Variants in FBXO34 observed in about 807,000 individuals in gnomAD.
FBXO34 encodes F-box only protein 34.
Under a neutral mutation model 24.5 loss-of-function variants are expected in FBXO34, and 12 were observed. That is an observed-to-expected ratio of 0.49 (90% CI 0.31 to 0.79). FBXO34 has a LOEUF of 0.79. Among genes scored for constraint, FBXO34 ranks in the 30% least tolerant of loss-of-function variants. FBXO34 has a pLI of 0.04. For synonymous variants in FBXO34, 320 were observed against 311.9 expected (o/e 1.03, Z -0.27); for missense variants, 823 against 857.7 (o/e 0.96, Z 0.51).
the FBXO34 span, chr14:55,380,830 G>T: frequency 3.6e-6 from 1 of 275,582 alleles, no homozygotes; most frequent in East Asian, 6.1e-5. Context: ...TCCATGACCA[G>T]ACATAAATGG....
At chr14:55,439,824 G>T in the FBXO34 span, among the ~76,000 whole-genome samples, 4 of 151,082 alleles carry the variant, frequency 2.6e-5, no homozygotes, top group Non-Finnish European at 3.0e-5. Context: ...CCAGCTACTC[G>T]GGAGGCTGAG....
chr14:55,411,643 C>G, the FBXO34 span: 2 of 1,613,350 alleles, frequency 1.2e-6, no homozygotes, highest in Non-Finnish European at 1.7e-6. Flanking sequence ...AATCGCCGCT[C>G]TGAACGCATT....
Position 55,350,383 on chromosome 14 carries a change from G to A in FBXO34, c.-8G>A, listed in dbSNP as rs748387317. 6.6e-7 allele frequency: 1 copy of A among 1,525,618 alleles called. No individual in the cohort carries two copies. Among genetic ancestry groups the A allele is most frequent in the Non-Finnish European group, 8.8e-7 (1 of 1,142,758 alleles). The allele number at this position is 1,525,618 out of a possible 1,614,324, so 94.5% of individuals were successfully genotyped here. On this transcript the variant is annotated splice_region_variant and 5_prime_UTR_variant, in exon 2 of 2. Transcript: ENST00000313833. ...AAATGTGTATTTCTTTCCTATAGGGGCTTTGTTATGCACCTAAAGCCATAT... is the reference window on the plus strand; with the variant it reads ...AAATGTGTATTTCTTTCCTATAGGGACTTTGTTATGCACCTAAAGCCATAT...
the FBXO34 span, among the ~76,000 whole-genome samples, chr14:55,375,517 T>A: frequency 0.02 from 2,931 of 143,084 alleles, 99 homozygotes; most frequent in African/African-American, 0.073. Context: ...TTTTTTTTTT[T>A]ACTTTTTGTA....
the FBXO34 span, among the ~76,000 whole-genome samples, chr14:55,378,257 T>C: frequency 6.6e-6 from 1 of 152,228 alleles, no homozygotes; most frequent in Non-Finnish European, 1.5e-5. Flanking sequence ...ACTGCATCTA[T>C]ACAAATTACA....
intron 1 of FBXO34, among the ~76,000 whole-genome samples, chr14:55,311,764 G>C (rs976541944): frequency 1.3e-5 from 2 of 151,910 alleles, no homozygotes; most frequent in African/African-American, 2.4e-5. Flanking sequence ...TTTTGGTCTT[G>C]TTGCCCAGGC....
chr14:55,369,571 GAGA>G (rs752417843), downstream of FBXO34: 10 of 1,429,704 alleles, frequency 7.0e-6, no homozygotes, highest in African/African-American at 7.1e-5. Context: ...AGTGTAGTGG[GAGA>G]AGAACTTTCT....
chr14:55,376,487 TA>T, the FBXO34 span, among the ~76,000 whole-genome samples: 1 of 152,128 alleles, frequency 6.6e-6, no homozygotes, highest in African/African-American at 2.4e-5. Flanking sequence ...ACATTGTAAG[TA>T]TATGTGCAGT....
intron 1 of FBXO34, chr14:55,299,339 C>T: frequency 1.6e-6 from 1 of 615,748 alleles, no homozygotes; most frequent in South Asian, 1.9e-5. Flanking sequence ...AGCAGTAGGG[C>T]CGCATTGCTG....
chr14:55,278,684 G>C (rs1164364492), intron 1 of FBXO34, among the ~76,000 whole-genome samples: 1 of 152,058 alleles, frequency 6.6e-6, no homozygotes, highest in African/African-American at 2.4e-5. Flanking sequence ...AAAAATTGTT[G>C]GTAATACCTG....
chr14:55,386,969 T>C, the FBXO34 span, among the ~76,000 whole-genome samples: 1 of 152,182 alleles, frequency 6.6e-6, no homozygotes, highest in Admixed American at 6.5e-5. Context: ...TTTTGACGTG[T>C]CCACTGCCTA....
the FBXO34 span, chr14:55,411,934 A>T: frequency 1.0e-6 from 1 of 995,300 alleles, no homozygotes; most frequent in African/African-American, 1.6e-5. Flanking sequence ...GAGCCCCCGG[A>T]CCCCTCCGCC....
At chr14:55,388,846 G>A in the FBXO34 span, among the ~76,000 whole-genome samples, 1 of 152,210 alleles carries the variant, frequency 6.6e-6, no homozygotes, top group Admixed American at 6.5e-5. Context: ...ACCACCTGGA[G>A]TAGTGCTATT....
intron 1 of FBXO34, among the ~76,000 whole-genome samples, chr14:55,300,145 G>GTTT (rs138977844): frequency 4.6e-5 from 7 of 151,766 alleles, no homozygotes; most frequent in Non-Finnish European, 7.4e-5. Context: ...AGATGTCATA[G>GTTT]TTTTAGTAAT....
chr14:55,404,757 G>T, the FBXO34 span, among the ~76,000 whole-genome samples: 4 of 152,036 alleles, frequency 2.6e-5, no homozygotes, highest in African/African-American at 9.7e-5. Flanking sequence ...ATAACAAAAT[G>T]GAATGTTTTT....
chr14:55,332,581 AGGAG>A (rs1233864437), intron 1 of FBXO34, among the ~76,000 whole-genome samples: 2 of 152,218 alleles, frequency 1.3e-5, no homozygotes, highest in Non-Finnish European at 2.9e-5. Context: ...TTCTAAAACT[AGGAG>A]GGAAGTATAA....
At position 55,295,884 on chromosome 14, in the gene FBXO34, G is replaced by A. The variant is rs527872867; in HGVS notation, c.-11+24347G>A. ...TAAAAAAGAAATTAGGAACAGCTTA[G>A]TGGAACAGTAATGTCACAAAGAGAC... On this transcript the variant is annotated intron_variant, in intron 1 of 1. Coordinates refer to ENST00000313833, the MANE Select transcript of FBXO34 (RefSeq NM_017943.4). Among the ~76,000 whole-genome samples, 11 of 152,340 alleles carry A rather than the reference G, an allele frequency of 7.2e-5. No individual in the cohort carries two copies. The South Asian group carries it at 2.1e-3, about 29-fold the overall frequency.
chr14:55,405,668 C>T, the FBXO34 span, among the ~76,000 whole-genome samples: 1 of 152,194 alleles, frequency 6.6e-6, no homozygotes, highest in Non-Finnish European at 1.5e-5. Context: ...TACTGGGTAG[C>T]AGTGCTATTT....
At chr14:55,385,620 A>T in the FBXO34 span, among the ~76,000 whole-genome samples, 5 of 152,268 alleles carry the variant, frequency 3.3e-5, no homozygotes, top group African/African-American at 1.2e-4. Flanking sequence ...CAGGAGTGTG[A>T]GTCAGCACCT....
Sources: gnomAD v4.1 joint callset for allele counts (sites outside exome capture counted in the v4.1 genomes callset) on GRCh38, gnomAD v4.1.1 for gene constraint, MANE v1.5 for transcripts, NCBI Gene and HGNC (gene_info 2026-07-23, HGNC 2026-07-21) for gene names.